AARS2: variants seen among roughly 807,000 people sequenced by gnomAD.
AARS2 encodes the protein alanyl-tRNA synthetase 2, mitochondrial, also known as alanine--tRNA ligase, mitochondrial.
AARS2 carries 78 observed loss-of-function variants against 119.7 expected under a neutral mutation model. The ratio of observed to expected loss-of-function variants is 0.65; its 90% CI spans 0.54 to 0.79. The LOEUF is 0.79. AARS2 is among the 30% of genes least tolerant of loss of function. The probability of loss-of-function intolerance (pLI) is 0.00; values close to 1 mark genes in which losing one functional copy is unlikely to be tolerated. For synonymous variants in AARS2, 502 were observed against 526.3 expected (o/e 0.95, Z 0.63); for missense variants, 1,157 against 1,291.3 (o/e 0.90, Z 1.59).
At position 44,311,517 on chromosome 6, in the gene AARS2, C is replaced by A; in HGVS notation, c.454G>T (p.Ala152Ser). ...TAGACCTGAGTCAGCAGTTCCCAGG[C>A]CATGTTACAAGCCTCCTCCTGCAGC... is the stretch of plus-strand genomic sequence containing the variant. ...EYFKEEACNMAWELLTQVYGI... is the reference protein window; with the variant it reads ...EYFKEEACNMSWELLTQVYGI... The change falls in exon 3 of 22, where the codon GCC (alanine) becomes TCC (serine). Residue 152 changes from alanine to serine, a missense_variant. Coordinates refer to ENST00000244571, the MANE Select transcript of AARS2 (RefSeq NM_020745.4). 2 of 1,614,078 alleles carry A rather than the reference C, an allele frequency of 1.2e-6. No homozygotes were observed. The highest frequency in any genetic ancestry group is 1.7e-6 in the Non-Finnish European group (2 of 1,180,030).
Position 44,301,185 on chromosome 6 carries a change from TC to T in AARS2, c.2763del (p.Lys922ArgfsTer55), listed in dbSNP as rs1372165915. The part of the protein sequence containing the change: ...SVLLLSPQPM[G>X]KVLCACQVAQ... The stretch of plus-strand genomic sequence containing the variant: ...GCCACCTGACAGGCACACAGCACCT[TC>T]CCCATGGGCTGGGGGCTGAGTAGGA... On this transcript the variant is annotated frameshift_variant, in exon 21 of 22. Transcript: ENST00000244571. LOFTEE classifies it high-confidence loss of function. 4 of 1,613,560 alleles carry T rather than the reference TC, an allele frequency of 2.5e-6. No homozygotes were observed. The highest frequency in any genetic ancestry group is 1.7e-5 in the Admixed American group (1 of 60,004).
Position 44,313,138 on chromosome 6 carries a change from A to T in AARS2, c.186T>A (p.Ala62=). The T allele has an allele frequency of 6.2e-7, 1 of 1,611,698 alleles. No individual in the cohort carries two copies. The highest frequency in any genetic ancestry group is 1.7e-4 in the Middle Eastern group (1 of 6,052). The stretch of plus-strand genomic sequence containing the variant: ...TGGGGTCGCCGCGGGGCCGCACGGA[A>T]GCGGAGGGCACCAGCCGGTGGCCAT... ...DRHGHRLVPS[A]SVRPRGDPSL... The change falls in exon 1 of 22, where the codon GCT becomes GCA. Residue 62 remains alanine, a synonymous_variant. Transcript: ENST00000244571.
At position 44,312,057 on chromosome 6, in the gene AARS2, T is replaced by C; in HGVS notation, c.435+15A>G. On this transcript the variant is annotated intron_variant, in intron 2 of 21. Coordinates refer to ENST00000244571, the MANE Select transcript of AARS2 (RefSeq NM_020745.4). Reference sequence around the variant, plus strand: ...GACTCCCTTCTTGGCTGATCACTGATCCCCAGAGACTCACCTTAAAATATT... The same window carrying C: ...GACTCCCTTCTTGGCTGATCACTGACCCCCAGAGACTCACCTTAAAATATT... The C allele has an allele frequency of 6.2e-7, 1 of 1,613,232 alleles. No homozygotes were observed. Among genetic ancestry groups the C allele is most frequent in the Non-Finnish European group, 8.5e-7 (1 of 1,179,260 alleles).
intron 5 of AARS2, among the ~76,000 whole-genome samples, chr6:44,308,367 C>T (rs1156399808): frequency 6.6e-6 from 1 of 152,024 alleles, no homozygotes; most frequent in African/African-American, 2.4e-5. Context: ...GGTGAAACCC[C>T]ATCTGTACTA....
At chr6:44,302,227 T>C (rs1331970194) in intron 18 of AARS2, 57 bp from the exon 19 acceptor site, 3 of 1,611,066 alleles carry the variant, frequency 1.9e-6, no homozygotes, top group Non-Finnish European at 2.5e-6. Flanking sequence ...GTCTCTGAGG[T>C]AGGGACCAGC....
Position 44,299,262 on chromosome 6 carries a change from CT to C in AARS2, c.*1284del, listed in dbSNP as rs35562884. ...ATCACCATCTGACACTTTCTCCCTT[CT>C]TTTTTTTAAGACAGGGTCTCACTCT... On this transcript the variant is annotated 3_prime_UTR_variant, in exon 22 of 22. Coordinates refer to ENST00000244571, the MANE Select transcript of AARS2 (RefSeq NM_020745.4). 0.89 allele frequency among the ~76,000 whole-genome samples: 133,948 copies of C among 150,808 alleles called. 60,554 individuals carry two copies. The highest frequency in any genetic ancestry group is 1 in the East Asian group (5,051 of 5,060).
chr6:44,308,036 C>A (rs1476555131), intron 5 of AARS2, among the ~76,000 whole-genome samples: 1 of 152,186 alleles, frequency 6.6e-6, no homozygotes, highest in East Asian at 1.9e-4. Flanking sequence ...TTTCCCCTAC[C>A]CGTCATGATC....
chr6:44,307,162 C>T lies in AARS2; in HGVS notation c.1040+87G>A. ...CCTCTCCCCATTCCTCCTACTGGCT[C>T]AACCAGACCCACCTCTCCTGTTCCC... is the stretch of plus-strand genomic sequence containing the variant. On this transcript the variant is annotated intron_variant, in intron 6 of 21. Transcript: ENST00000244571. The surrounding 1 kb of genome is among the most constrained non-coding windows in gnomAD (Gnocchi z 4.4). The T allele has an allele frequency of 1.2e-6, 2 of 1,603,016 alleles. No individual in the cohort carries two copies. Among genetic ancestry groups the T allele is most frequent in the Non-Finnish European group, 1.7e-6 (2 of 1,173,762 alleles).
intron 19 of AARS2, 108 bp downstream of exon 19, chr6:44,301,952 C>T (rs1785392864): frequency 3.5e-6 from 4 of 1,147,204 alleles, no homozygotes; most frequent in Non-Finnish European, 5.1e-6. Flanking sequence ...GCCACCACCC[C>T]GTCCTTGCAC....
At position 44,300,388 on chromosome 6, in the gene AARS2, C is replaced by T; in HGVS notation, c.*159G>A. 1 of 1,025,336 alleles carries T rather than the reference C, an allele frequency of 9.8e-7. No individual in the cohort carries two copies. The highest frequency in any genetic ancestry group is 1.5e-6 in the Non-Finnish European group (1 of 671,244). The allele number at this position is 1,025,336 out of a possible 1,614,324, so 63.5% of individuals were successfully genotyped here. ...GTTCTGCCTTCCCTAGCCCATGTCT[C>T]CTTGTGTCACGTAGGCCCTGGCCCA... On this transcript the variant is annotated 3_prime_UTR_variant, in exon 22 of 22. Transcript: ENST00000244571.
At chr6:44,304,040 A>C (rs1423264548) in intron 14 of AARS2, 141 bp downstream of exon 14, 1 of 1,245,626 alleles carries the variant, frequency 8.0e-7, no homozygotes, top group African/African-American at 1.5e-5. Flanking sequence ...AGGGGAAAGG[A>C]CTTGCCCAGG....
chr6:44,302,310 G>A (rs1785426128), intron 18 of AARS2, 81 bp downstream of exon 18: 1 of 1,612,740 alleles, frequency 6.2e-7, no homozygotes, highest in Non-Finnish European at 8.5e-7. Flanking sequence ...TGGAGTGCTA[G>A]GGAGAGTCTG....
rs374185049 is a variant in AARS2 at position 44,301,267 on chromosome 6, C to A, written c.2683-1G>T. ...GCTGCCGTACCACCTTCACCAGCAC[C>A]TGGACCACGAAAGACAGATGGTGAG... On this transcript the variant is annotated splice_acceptor_variant, in intron 20 of 21. Transcript: ENST00000244571. LOFTEE classifies it high-confidence loss of function. The A allele has an allele frequency of 6.2e-7, 1 of 1,613,846 alleles. No homozygotes were observed. Among genetic ancestry groups the A allele is most frequent in the Non-Finnish European group, 8.5e-7 (1 of 1,179,994 alleles).
chr6:44,302,835 G>GCA lies in AARS2; in HGVS notation c.2330_2331insTG (p.Leu778AlafsTer16). 6.2e-7 allele frequency: 1 copy of GCA among 1,614,060 alleles called. No homozygotes were observed. The highest frequency in any genetic ancestry group is 8.5e-7 in the Non-Finnish European group (1 of 1,180,026). On this transcript the variant is annotated frameshift_variant, in exon 17 of 22. Transcript: ENST00000244571. LOFTEE classifies it high-confidence loss of function. The stretch of plus-strand genomic sequence containing the variant: ...CCTGCTCCCCAGTGACGGCCAGCAG[G>GCA]CGGGTAGTGCCCTTGGAAAGCTGGC...
Position 44,300,313 on chromosome 6 carries a change from A to C in AARS2, c.*234T>G, listed in dbSNP as rs1332204840. The stretch of plus-strand genomic sequence containing the variant: ...ATTTCTAATGTGCAGTCACAGCCAT[A>C]ATTGTCCATGTCTTCTCTTTCACCA... On this transcript the variant is annotated 3_prime_UTR_variant, in exon 22 of 22. Transcript: ENST00000244571. The C allele has an allele frequency of 3.3e-6, 2 of 599,086 alleles. No individual in the cohort carries two copies. Among genetic ancestry groups the C allele is most frequent in the African/African-American group, 3.7e-5 (2 of 53,954 alleles). The allele number at this position is 599,086 out of a possible 1,614,324, so 37.1% of individuals were successfully genotyped here. A position where few individuals can be genotyped will look rare whatever the true frequency, so the allele number is the denominator to read the frequency against.
rs1785926813 is a variant in AARS2, at chr6:44,307,105, G to A, written c.1041-74C>T. On this transcript the variant is annotated intron_variant, in intron 6 of 21. Coordinates refer to ENST00000244571, the MANE Select transcript of AARS2 (RefSeq NM_020745.4). This position sits in a 1 kb window ranked among gnomAD's most constrained non-coding sequence, Gnocchi z 4.4. ...GCAATATGGGGAGTGGGAAGGACGA[G>A]GTCCAGTGTGTGCTCCCACCTCAAA... 1.3e-6 allele frequency: 2 copies of A among 1,593,062 alleles called. No homozygotes were observed. The highest frequency in any genetic ancestry group is 1.7e-6 in the Non-Finnish European group (2 of 1,164,472).
chr6:44,311,243 A>G lies in AARS2; in HGVS notation c.582-82T>C, dbSNP rs990914171. On this transcript the variant is annotated intron_variant, in intron 3 of 21. Transcript: ENST00000244571. ...TCTCTGCCATGAGAGCCCCTCCCTC[A>G]AGTCACAGCTCAGCAAGAGGAGGAA... 4 of 1,603,048 alleles carry G rather than the reference A, an allele frequency of 2.5e-6. No individual in the cohort carries two copies. In the Admixed American group the frequency reaches 6.7e-5, roughly 27 times the overall value.
At chr6:44,304,619 C>T in intron 12 of AARS2, 26 bp downstream of exon 12, 1 of 1,614,202 alleles carries the variant, frequency 6.2e-7, no homozygotes, top group Non-Finnish European at 8.5e-7. Flanking sequence ...CCACAGAAAT[C>T]AGCCTGGGTT....
chr6:44,306,697 G>A (rs1445453729), intron 7 of AARS2, among the ~76,000 whole-genome samples, 165 bp from the exon 8 acceptor site: 1 of 152,150 alleles, frequency 6.6e-6, no homozygotes, highest in Non-Finnish European at 1.5e-5. Context: ...GGTGGCAGAA[G>A]GGGGTCCTGA....
Sources: gnomAD v4.1 joint callset for allele counts (sites outside exome capture counted in the v4.1 genomes callset) on GRCh38, gnomAD v4.1.1 for gene constraint, Gnocchi (gnomAD v3.1) non-coding constraint, MANE v1.5 for transcripts, NCBI Gene and HGNC (gene_info 2026-07-23, HGNC 2026-07-21) for gene names.